Variants in PITPNM2 observed in about 807,000 individuals in gnomAD.
The protein encoded by PITPNM2 is membrane-associated phosphatidylinositol transfer protein 2.
PITPNM2 carries 35 observed loss-of-function variants against 132.2 expected under a neutral mutation model. That is an observed-to-expected ratio of 0.26 (90% confidence interval 0.20 to 0.35). The LOEUF (loss-of-function observed/expected upper bound fraction) is 0.35, where lower values mean the gene tolerates loss of function less well. PITPNM2 is among the 10% of genes least tolerant of loss of function. PITPNM2 has a pLI of 1.00. For synonymous variants in PITPNM2, 738 were observed against 799.2 expected, an observed-to-expected ratio of 0.92 and a Z score of 1.29; for missense variants, 1,332 against 1,912.0, an observed-to-expected ratio of 0.70 and a Z score of 5.66.
intron 2 of PITPNM2, among the ~76,000 whole-genome samples, chr12:123,057,183 C>T (rs1003297388): frequency 2.0e-5 from 3 of 151,954 alleles, no homozygotes; most frequent in Non-Finnish European, 2.9e-5. Flanking sequence ...GAGTTCAAGA[C>T]CAGCCTGACC....
At chr12:123,100,454 C>T (rs1212384133) in intron 2 of PITPNM2, among the ~76,000 whole-genome samples, 3 of 152,094 alleles carry the variant, frequency 2.0e-5, no homozygotes, top group Admixed American at 6.5e-5. Flanking sequence ...GGTGAAACCC[C>T]GTCTCTACTA....
At chr12:123,151,750 A>C (rs1424652938), upstream of PITPNM2, among the ~76,000 whole-genome samples, 1 of 152,178 alleles carries the variant, frequency 6.6e-6, no homozygotes, top group Non-Finnish European at 1.5e-5. Flanking sequence ...GACATTCCTT[A>C]AAAACATGAG....
chr12:123,031,660 C>G lies in PITPNM2; in HGVS notation c.78+2853G>C, dbSNP rs1057433363. Among the ~76,000 whole-genome samples the G allele has an allele frequency of 7.2e-5, 11 of 152,194 alleles. No individual in the cohort carries two copies. Among genetic ancestry groups the G allele is most frequent in the Non-Finnish European group, 1.6e-4 (11 of 68,030 alleles). ...TATCCGACACCCCCAGCCTCAAGGC[C>G]TGCCCAGAGGAGAGCTGCCCAGCCA... On this transcript the variant is annotated intron_variant, in intron 3 of 25. Transcript: ENST00000320201. The surrounding 1 kb of genome is among the most constrained non-coding windows in gnomAD (Gnocchi z 4.5).
At position 122,988,363 on chromosome 12, in the gene PITPNM2, G is replaced by A. The variant is rs1181042650; in HGVS notation, c.2881-13C>T. On this transcript the variant is annotated splice_polypyrimidine_tract_variant and intron_variant, in intron 19 of 25. Coordinates refer to ENST00000320201, the MANE Select transcript of PITPNM2 (RefSeq NM_020845.3). ...CATGCCTCATGACCTGGGAAGAGGG[G>A]ACAGTGCAGGCTGTGGGGCAGATGC... is the stretch of plus-strand genomic sequence containing the variant. The A allele has an allele frequency of 6.2e-7, 1 of 1,610,162 alleles. No individual in the cohort carries two copies. The highest frequency in any genetic ancestry group is 2.2e-5 in the East Asian group (1 of 44,858).
intron 2 of PITPNM2, among the ~76,000 whole-genome samples, chr12:123,051,332 G>A (rs901576913): frequency 4.6e-5 from 7 of 152,302 alleles, no homozygotes; most frequent in South Asian, 2.1e-4. Context: ...TCCCACTTAC[G>A]TAGACTTTGT....
intron 3 of PITPNM2, among the ~76,000 whole-genome samples, chr12:123,025,722 G>A (rs1161921724): frequency 6.6e-6 from 1 of 152,108 alleles, no homozygotes; most frequent in Non-Finnish European, 1.5e-5. Flanking sequence ...GTGAGCCACC[G>A]CACTCGGCCT....
chr12:123,052,352 T>G (rs926956062), intron 2 of PITPNM2, among the ~76,000 whole-genome samples: 2 of 152,206 alleles, frequency 1.3e-5, no homozygotes, highest in Admixed American at 1.3e-4. Context: ...CTTACAGTTC[T>G]GGAGGCCAGA....
intron 2 of PITPNM2, among the ~76,000 whole-genome samples, chr12:123,072,701 C>G (rs2041651917): frequency 6.6e-6 from 1 of 152,240 alleles, no homozygotes; most frequent in African/African-American, 2.4e-5. Flanking sequence ...TGAGGTTAAA[C>G]ATTCATCTGA....
intron 1 of PITPNM2, among the ~76,000 whole-genome samples, chr12:123,110,926 G>A (rs1249818269): frequency 6.6e-6 from 1 of 152,238 alleles, no homozygotes; most frequent in Non-Finnish European, 1.5e-5. Context: ...AGTCCGAGAG[G>A]ATGGCGTCCT....
intron 1 of PITPNM2, among the ~76,000 whole-genome samples, chr12:123,123,764 G>A (rs147422171): frequency 4.0e-5 from 6 of 151,766 alleles, no homozygotes; most frequent in Non-Finnish European, 7.4e-5. Flanking sequence ...ACAAAACCCC[G>A]GCTCTACTAA....
At chr12:123,051,461 C>T (rs1206703258) in intron 2 of PITPNM2, among the ~76,000 whole-genome samples, 3 of 152,232 alleles carry the variant, frequency 2.0e-5, no homozygotes, top group Non-Finnish European at 2.9e-5. Flanking sequence ...GATTTCTCCA[C>T]GTTTGACTTA....
rs770380423 is a variant in PITPNM2, at chr12:122,987,281, C to T, written c.3413G>A (p.Arg1138Gln). The T allele has an allele frequency of 6.2e-7, 1 of 1,611,440 alleles. No homozygotes were observed. The highest frequency in any genetic ancestry group is 8.5e-7 in the Non-Finnish European group (1 of 1,179,956). ...KVRAGAVDVVRHWQDLGYLII... is the reference protein window; with the variant it reads ...KVRAGAVDVVQHWQDLGYLII... ...CTTTGTGCCCCTCTGGGCCACTCACCGCACCACGTCCACGGCCCCGGCCCG... is the reference window on the plus strand; with the variant it reads ...CTTTGTGCCCCTCTGGGCCACTCACTGCACCACGTCCACGGCCCCGGCCCG... The change falls in exon 23 of 26, where the codon CGG (arginine) becomes CAG (glutamine). Residue 1138 changes from arginine to glutamine, a missense_variant and splice_region_variant. Physicochemically the swap from Arg to Gln is conservative, Grantham distance 43. Coordinates refer to ENST00000320201, the MANE Select transcript of PITPNM2 (RefSeq NM_020845.3).
In PITPNM2 at chr12:122,997,567, C is replaced by T; in HGVS notation, c.1230G>A (p.Glu410=). ...SVEQLNIIED[E]VSQPLAAPPS... ...GCGGTGCAGCCAGCGGCTGGCTAACCTCGTCCTGCATGGGTTGGGGGACAG... is the reference window on the plus strand; with the variant it reads ...GCGGTGCAGCCAGCGGCTGGCTAACTTCGTCCTGCATGGGTTGGGGGACAG... The change falls in exon 11 of 26, where the codon GAG becomes GAA. Residue 410 remains glutamate, a synonymous_variant. Transcript: ENST00000320201. 6.2e-7 allele frequency: 1 copy of T among 1,611,078 alleles called. No individual in the cohort carries two copies. Among genetic ancestry groups the T allele is most frequent in the Non-Finnish European group, 8.5e-7 (1 of 1,178,236 alleles).
chr12:123,115,541 G>A (rs866603266), intron 1 of PITPNM2, among the ~76,000 whole-genome samples: 5 of 151,516 alleles, frequency 3.3e-5, no homozygotes, highest in Middle Eastern at 3.4e-3. Flanking sequence ...ATACGCGCCC[G>A]CACACACACA....
rs2037832965 is a variant in PITPNM2 at position 122,984,030 on chromosome 12, C to T, written c.*1997G>A. 6.5e-6 allele frequency: 1 copy of T among 152,772 alleles called. No homozygotes were observed. Among genetic ancestry groups the T allele is most frequent in the Non-Finnish European group, 1.5e-5 (1 of 68,080 alleles). The allele number at this position is 152,772 out of a possible 1,614,324, so 9.5% of individuals were successfully genotyped here. A position where few individuals can be genotyped will look rare whatever the true frequency, so the allele number is the denominator to read the frequency against. Reference sequence around the variant, plus strand: ...GCAGACCTGGATACAGAAGAGACTTCCCATGGGGGGGCAGGCTGCCCACCT... The same window carrying T: ...GCAGACCTGGATACAGAAGAGACTTTCCATGGGGGGGCAGGCTGCCCACCT... On this transcript the variant is annotated 3_prime_UTR_variant, in exon 26 of 26. Coordinates refer to ENST00000320201, the MANE Select transcript of PITPNM2 (RefSeq NM_020845.3).
chr12:123,088,532 G>A (rs921937047), intron 2 of PITPNM2: 4 of 152,366 alleles, frequency 2.6e-5, no homozygotes, highest in Admixed American at 2.6e-4. Context: ...GGAAGTGGAG[G>A]GGTGTGGGGG....
In PITPNM2 at chr12:123,058,914, G is replaced by C. The variant is rs1378386943; in HGVS notation, c.-95-24229C>G. Among the ~76,000 whole-genome samples, 3 of 152,096 alleles carry C rather than the reference G, an allele frequency of 2.0e-5. No homozygotes were observed. Among genetic ancestry groups the C allele is most frequent in the Non-Finnish European group, 4.4e-5 (3 of 68,000 alleles). ...AAAGCTGAGTGCCCAGGTGCATTGA[G>C]AGCACCTCAGCCCCAGCTCCCACCA... On this transcript the variant is annotated intron_variant, in intron 2 of 25. Coordinates refer to ENST00000320201, the MANE Select transcript of PITPNM2 (RefSeq NM_020845.3). The surrounding 1 kb of genome is among the most constrained non-coding windows in gnomAD (Gnocchi z 4.0).
At chr12:123,057,376 AT>A (rs1365390848) in intron 2 of PITPNM2, among the ~76,000 whole-genome samples, 1 of 144,576 alleles carries the variant, frequency 6.9e-6, no homozygotes, top group Non-Finnish European at 1.5e-5. Context: ...GCAAAACTCT[AT>A]CTCAAAAAAA....
At chr12:123,056,565 AC>A (rs1485182239) in intron 2 of PITPNM2, among the ~76,000 whole-genome samples, 2 of 152,028 alleles carry the variant, frequency 1.3e-5, no homozygotes, top group Non-Finnish European at 2.9e-5. Context: ...GGAGGCCCAG[AC>A]CCAGGAGTGG....
Sources: gnomAD v4.1 joint callset for allele counts (sites outside exome capture counted in the v4.1 genomes callset) on GRCh38, gnomAD v4.1.1 for gene constraint, Gnocchi (gnomAD v3.1) non-coding constraint, MANE v1.5 for transcripts, NCBI Gene and HGNC (gene_info 2026-07-23, HGNC 2026-07-21) for gene names.